The following ABRAXAS1 variants were observed in gnomAD, a reference collection of about 807,000 sequenced individuals.
The protein encoded by ABRAXAS1 is abraxas 1, BRCA1 A complex subunit.
A neutral mutation model predicts 38.4 loss-of-function variants in ABRAXAS1; 26 were observed. The ratio of observed to expected loss-of-function variants is 0.68; its 90% CI spans 0.50 to 0.94. The LOEUF (loss-of-function observed/expected upper bound fraction) is 0.94. Ranked by LOEUF, ABRAXAS1 falls within the 40% of genes least tolerant of loss-of-function variation. The pLI, the probability that ABRAXAS1 is intolerant of heterozygous loss-of-function variation, is 0.00. For synonymous variants in ABRAXAS1, 144 were observed against 165.5 expected, an observed-to-expected ratio of 0.87 and a Z score of 1.00; for missense variants, 438 against 481.9, an observed-to-expected ratio of 0.91 and a Z score of 0.85.
chr4:83,469,318 T>TG, intron 5 of ABRAXAS1, 167 bp from the exon 6 acceptor site: 2 of 392,416 alleles, frequency 5.1e-6, no homozygotes, highest in East Asian at 9.4e-5. Flanking sequence ...AAACAACTGT[T>TG]TTTTTTTTTT....
At chr4:83,484,275 A>T in intron 1 of ABRAXAS1, 1 of 893,324 alleles carries the variant, frequency 1.1e-6, no homozygotes, top group Non-Finnish European at 1.3e-6. Context: ...ACCACACAGC[A>T]GGGAAGTGTA....
intron 2 of ABRAXAS1, chr4:83,478,515 T>A (rs1225102921): frequency 2.8e-6 from 1 of 362,964 alleles, no homozygotes; most frequent in East Asian, 7.1e-5. Flanking sequence ...AAGTTCTAAG[T>A]GTTTACCAAA....
chr4:83,481,480 C>T (rs1723000104), intron 2 of ABRAXAS1, among the ~76,000 whole-genome samples: 2 of 152,164 alleles, frequency 1.3e-5, no homozygotes, highest in Non-Finnish European at 2.9e-5. Context: ...GATTTTCAGT[C>T]ATCTAATAAT....
chr4:83,471,191 C>CTTTTT lies in ABRAXAS1; in HGVS notation c.283-800_283-796dup, dbSNP rs869128932. ...CAAACATATTTGTTGAAAGAAACATCTTTTTTTTTTTTTTTTTTTTTTTTT... is the reference window on the plus strand; with the variant it reads ...CAAACATATTTGTTGAAAGAAACATCTTTTTTTTTTTTTTTTTTTTTTTTTTTTTT... On this transcript the variant is annotated intron_variant, in intron 4 of 8. Transcript: ENST00000321945. 3.9e-3 allele frequency among the ~76,000 whole-genome samples: 225 copies of CTTTTT among 58,160 alleles called. 10 individuals carry two copies. Among genetic ancestry groups the CTTTTT allele is most frequent in the Non-Finnish European group, 6.2e-3 (163 of 26,148 alleles). The allele number at this position is 58,160 out of a possible 152,430, so 38.2% of individuals were successfully genotyped here. A position where few individuals can be genotyped will look rare whatever the true frequency, so the allele number is the denominator to read the frequency against.
At chr4:83,484,193 T>C (rs1723095542) in intron 1 of ABRAXAS1, 3 of 985,006 alleles carry the variant, frequency 3.0e-6, no homozygotes, top group South Asian at 4.7e-5. Context: ...TTGAGTAAAA[T>C]AGACGTTATA....
chr4:83,484,714 G>A lies in ABRAXAS1; in HGVS notation c.87+272C>T, dbSNP rs542987829. 16 of 337,270 alleles carry A rather than the reference G, an allele frequency of 4.7e-5. No individual in the cohort carries two copies. The South Asian group carries it at 1.4e-3, about 29-fold the overall frequency. The allele number at this position is 337,270 out of a possible 1,614,324, so 20.9% of individuals were successfully genotyped here. On this transcript the variant is annotated intron_variant, in intron 1 of 8. Coordinates refer to ENST00000321945, the MANE Select transcript of ABRAXAS1 (RefSeq NM_139076.3). Reference sequence around the variant, plus strand: ...CGCCCAAGTTTCCACAGCTACAGGGGCGCCGAGGAAAGATGGGAGCGTGTG... The same window carrying A: ...CGCCCAAGTTTCCACAGCTACAGGGACGCCGAGGAAAGATGGGAGCGTGTG...
At chr4:83,473,400 C>A (rs1257400524) in intron 3 of ABRAXAS1, among the ~76,000 whole-genome samples, 4 of 152,078 alleles carry the variant, frequency 2.6e-5, no homozygotes, top group African/African-American at 4.8e-5. Context: ...GAGCTCAAAT[C>A]GGAGCATAAA....
chr4:83,470,578 C>G (rs1211878364), intron 4 of ABRAXAS1, among the ~76,000 whole-genome samples, 182 bp from the exon 5 acceptor site: 4 of 152,174 alleles, frequency 2.6e-5, no homozygotes, highest in Non-Finnish European at 1.5e-5. Flanking sequence ...TACAAACTGA[C>G]TTACTTTCCA....
chr4:83,478,170 C>T (rs1722854929), intron 2 of ABRAXAS1: 1 of 735,582 alleles, frequency 1.4e-6, no homozygotes, highest in Non-Finnish European at 2.5e-6. Flanking sequence ...CACTTTGTTT[C>T]CAGCTTTACA....
intron 7 of ABRAXAS1, chr4:83,467,170 G>C (rs2110037060): frequency 3.3e-6 from 1 of 303,786 alleles, no homozygotes; most frequent in Middle Eastern, 9.9e-4. Flanking sequence ...TGGCATTACA[G>C]ATCAAATAGG....
chr4:83,467,980 G>A (rs963617531), intron 6 of ABRAXAS1, among the ~76,000 whole-genome samples: 2 of 152,050 alleles, frequency 1.3e-5, no homozygotes, highest in Non-Finnish European at 2.9e-5. Context: ...TGACTTGTAG[G>A]ACATCCCAAT....
chr4:83,470,104 C>A, intron 5 of ABRAXAS1, 99 bp downstream of exon 5: 2 of 826,952 alleles, frequency 2.4e-6, no homozygotes, highest in East Asian at 2.8e-5. Flanking sequence ...CAATCTGATG[C>A]GACAATATAT....
chr4:83,474,056 C>T (rs1418338585), intron 3 of ABRAXAS1, among the ~76,000 whole-genome samples: 2 of 151,304 alleles, frequency 1.3e-5, no homozygotes, highest in Admixed American at 6.6e-5. Context: ...GTGGGAGAAT[C>T]GCTTGAACCT....
At chr4:83,468,635 ACTTATT>A (rs1017864598) in intron 6 of ABRAXAS1, among the ~76,000 whole-genome samples, 2 of 152,194 alleles carry the variant, frequency 1.3e-5, no homozygotes, top group African/African-American at 4.8e-5. Context: ...TAGGCTATAT[ACTTATT>A]CTAACCTAGA....
At chr4:83,477,631 C>G (rs1341631967) in intron 2 of ABRAXAS1, 2 of 510,660 alleles carry the variant, frequency 3.9e-6, no homozygotes, top group Admixed American at 2.3e-5. Flanking sequence ...CCCCATGGAC[C>G]TTGCCAAAAC....
At position 83,460,311 on chromosome 4, in the gene ABRAXAS1, C is replaced by G. The variant is rs1055840271; in HGVS notation, c.*2158G>C. On this transcript the variant is annotated 3_prime_UTR_variant, in exon 9 of 9. Transcript: ENST00000321945. ...TAGCTGGGATTACAGGCATGCACCA[C>G]CACGCCTGGCTAATTTTTGTATTTT... 2 of 152,268 alleles carry G rather than the reference C, an allele frequency of 1.3e-5. No individual in the cohort carries two copies. Among genetic ancestry groups the G allele is most frequent in the Non-Finnish European group, 2.9e-5 (2 of 68,196 alleles). 9.4% of individuals were successfully genotyped at this position (152,268 alleles called of 1,614,324 possible).
In ABRAXAS1 at chr4:83,467,497, T is replaced by G; in HGVS notation, c.638A>C (p.His213Pro). 2 of 1,569,286 alleles carry G rather than the reference T, an allele frequency of 1.3e-6. No homozygotes were observed. Among genetic ancestry groups the G allele is most frequent in the Non-Finnish European group, 1.7e-6 (2 of 1,143,852 alleles). The change falls in exon 7 of 9, where the codon CAT (histidine) becomes CCT (proline). Residue 213 changes from histidine (H) to proline (P), a missense_variant. This residue lies in a region of ABRAXAS1 where 194 missense variants were observed against 269.0 expected (regional missense o/e 0.72). Transcript: ENST00000321945. Reference protein sequence around the residue: ...FEEDGSLKEVHKINEMYASLQ... With the variant: ...FEEDGSLKEVPKINEMYASLQ... ...TGAAGCATACATTTCATTTATCTTA[T>G]GTACCTCCTTTAAGGATCCATCTTC...
chr4:83,465,035 C>T (rs1169571792), intron 7 of ABRAXAS1, among the ~76,000 whole-genome samples: 1 of 152,108 alleles, frequency 6.6e-6, no homozygotes, highest in African/African-American at 2.4e-5. Flanking sequence ...GTGGCTCACA[C>T]CTGTGATCCC....
In ABRAXAS1 at chr4:83,478,652, A is replaced by T. The variant is rs1462930510; in HGVS notation, c.179-1973T>A. On this transcript the variant is annotated intron_variant, in intron 2 of 8. Transcript: ENST00000321945. ...GTGTTAACATTGAGACTCTAGCCCC[A>T]GATTGGTATCTTCTATGAAGATGGA... 2.0e-5 allele frequency among the ~76,000 whole-genome samples: 3 copies of T among 152,244 alleles called. No individual in the cohort carries two copies. In the East Asian group the frequency reaches 5.8e-4, roughly 29 times the overall value.
Sources: gnomAD v4.1 joint callset for allele counts (sites outside exome capture counted in the v4.1 genomes callset) on GRCh38, gnomAD v4.1.1 for gene constraint, gnomAD v4.1.1 regional missense constraint, MANE v1.5 for transcripts, NCBI Gene and HGNC (gene_info 2026-07-23, HGNC 2026-07-21) for gene names.